TMEM132D: variants seen among roughly 807,000 people sequenced by gnomAD.
The protein encoded by TMEM132D is transmembrane protein 132D.
A neutral mutation model predicts 62.3 loss-of-function variants in TMEM132D; 21 were observed. The ratio of observed to expected loss-of-function variants is 0.34; its 90% CI spans 0.24 to 0.49. The LOEUF (loss-of-function observed/expected upper bound fraction) is 0.49, where lower values mean the gene tolerates loss of function less well. Ranked by LOEUF, TMEM132D falls within the 20% of genes least tolerant of loss-of-function variation. TMEM132D has a pLI of 0.99. For synonymous variants in TMEM132D, 621 were observed against 575.6 expected (o/e 1.08, Z -1.13); for missense variants, 1,346 against 1,402.8 (o/e 0.96, Z 0.65).
intron 2 of TMEM132D, among the ~76,000 whole-genome samples, chr12:129,638,339 C>T (rs544595358): frequency 5.3e-4 from 80 of 152,040 alleles, no homozygotes; most frequent in Admixed American, 5.2e-3. Flanking sequence ...TGTGACACAT[C>T]GGAGGGTAAG....
intron 7 of TMEM132D, among the ~76,000 whole-genome samples, 165 bp from the exon 8 acceptor site, chr12:129,078,890 A>G (rs1429973822): frequency 3.9e-5 from 6 of 152,204 alleles, no homozygotes; most frequent in Non-Finnish European, 8.8e-5. Flanking sequence ...AATCATATGT[A>G]TTGCTTGAGA....
rs1200686717 is a variant in TMEM132D at position 129,081,966 on chromosome 12, G to A, written c.1716C>T (p.Tyr572=). Residue 572 remains tyrosine (Y), a synonymous_variant, in exon 7 of 9, where the codon TAC becomes TAT. Transcript: ENST00000422113. ...ERRGRGCTLQ[Y]QHAMVRVLTQ... is the part of the protein sequence containing the mutation. Reference sequence around the variant, plus strand: ...TCAGGACCCGCACCATGGCGTGCTGGTACTGCAGGGTGCAGCCGCGGCCCC... The same window carrying A: ...TCAGGACCCGCACCATGGCGTGCTGATACTGCAGGGTGCAGCCGCGGCCCC... The A allele has an allele frequency of 1.2e-6, 2 of 1,614,022 alleles. No homozygotes were observed. The highest frequency in any genetic ancestry group is 2.2e-5 in the South Asian group (2 of 91,072).
At chr12:129,793,481 C>T (rs576873616) in intron 1 of TMEM132D, among the ~76,000 whole-genome samples, 1 of 152,252 alleles carries the variant, frequency 6.6e-6, no homozygotes, top group South Asian at 2.1e-4. Flanking sequence ...AAGCGATCCT[C>T]CCACCACCTC....
intron 2 of TMEM132D, among the ~76,000 whole-genome samples, chr12:129,531,779 C>T (rs1227711963): frequency 6.6e-6 from 1 of 152,192 alleles, no homozygotes; most frequent in Non-Finnish European, 1.5e-5. Context: ...CTACTGCGCC[C>T]AGCCCTGTTT....
chr12:129,727,912 A>C (rs1296225141), intron 1 of TMEM132D, among the ~76,000 whole-genome samples: 1 of 152,230 alleles, frequency 6.6e-6, no homozygotes, highest in Non-Finnish European at 1.5e-5. Flanking sequence ...CTAACCCTGC[A>C]TACGTTTATA....
intron 1 of TMEM132D, among the ~76,000 whole-genome samples, chr12:129,895,586 T>C (rs1281722275): frequency 3.3e-5 from 5 of 152,252 alleles, no homozygotes; most frequent in Non-Finnish European, 5.9e-5. Context: ...GAAAAGATTC[T>C]GCTATTTGAG....
chr12:129,524,589 A>G (rs983408096), intron 3 of TMEM132D, among the ~76,000 whole-genome samples: 1 of 152,226 alleles, frequency 6.6e-6, no homozygotes. Context: ...GGCTGCAATT[A>G]CAGCCCTGTA....
chr12:129,557,638 C>G (rs1426757178), intron 2 of TMEM132D, among the ~76,000 whole-genome samples: 1 of 152,144 alleles, frequency 6.6e-6, no homozygotes, highest in African/African-American at 2.4e-5. Flanking sequence ...ACTGCCTGAG[C>G]CTTGGAGATG....
intron 4 of TMEM132D, among the ~76,000 whole-genome samples, chr12:129,252,626 A>G (rs1880298822): frequency 6.6e-6 from 1 of 152,230 alleles, no homozygotes; most frequent in African/African-American, 2.4e-5. Flanking sequence ...TGTGGAAGTC[A>G]GTGTGGCGAT....
At chr12:129,331,992 C>T (rs1393840275) in intron 4 of TMEM132D, among the ~76,000 whole-genome samples, 5 of 152,132 alleles carry the variant, frequency 3.3e-5, no homozygotes, top group Non-Finnish European at 5.9e-5. Context: ...GGGTGGATTG[C>T]TTGAGGCCAG....
At chr12:129,649,202 A>G (rs2137181499) in intron 2 of TMEM132D, among the ~76,000 whole-genome samples, 1 of 152,336 alleles carries the variant, frequency 6.6e-6, no homozygotes, top group African/African-American at 2.4e-5. Flanking sequence ...ATTCAACAAT[A>G]GTTTGTTTAC....
At chr12:129,597,664 G>A (rs537098825) in intron 2 of TMEM132D, among the ~76,000 whole-genome samples, 2 of 152,318 alleles carry the variant, frequency 1.3e-5, no homozygotes, top group South Asian at 4.1e-4. Flanking sequence ...AAACAAAAAT[G>A]TATAGTCAGG....
chr12:129,644,332 C>T (rs1187765606), intron 2 of TMEM132D, among the ~76,000 whole-genome samples: 1 of 152,256 alleles, frequency 6.6e-6, no homozygotes, highest in East Asian at 1.9e-4. Context: ...CTTAGAGAAT[C>T]TTCGCTTCTT....
At chr12:129,813,234 G>T (rs1303787601) in intron 1 of TMEM132D, among the ~76,000 whole-genome samples, 1 of 151,646 alleles carries the variant, frequency 6.6e-6, no homozygotes, top group African/African-American at 2.4e-5. Context: ...CATCTTGTTG[G>T]TGGACGTTGC....
intron 5 of TMEM132D, among the ~76,000 whole-genome samples, chr12:129,181,032 C>T (rs578025867): frequency 6.6e-6 from 1 of 152,118 alleles, no homozygotes; most frequent in Admixed American, 6.5e-5. Flanking sequence ...GAGGATGCTG[C>T]CATTATCGGG....
intron 4 of TMEM132D, among the ~76,000 whole-genome samples, chr12:129,309,007 C>CCCTT (rs1368402264): frequency 1.3e-5 from 2 of 152,188 alleles, no homozygotes; most frequent in Non-Finnish European, 2.9e-5. Flanking sequence ...ACGCCAAACA[C>CCCTT]CCTTGGTCTT....
intron 3 of TMEM132D, among the ~76,000 whole-genome samples, chr12:129,339,154 C>T (rs1206101935): frequency 6.6e-6 from 1 of 151,924 alleles, no homozygotes; most frequent in African/African-American, 2.4e-5. Flanking sequence ...GCCTATAATC[C>T]CAGCTAGTTG....
chr12:129,225,334 G>A (rs1204517059), intron 4 of TMEM132D, among the ~76,000 whole-genome samples: 1 of 152,310 alleles, frequency 6.6e-6, no homozygotes, highest in South Asian at 2.1e-4. Flanking sequence ...TGGCCTGAGG[G>A]ATCTGAGTCC....
intron 5 of TMEM132D, among the ~76,000 whole-genome samples, chr12:129,163,255 A>G (rs1877449946): frequency 6.6e-6 from 1 of 152,262 alleles, no homozygotes; most frequent in Non-Finnish European, 1.5e-5. Flanking sequence ...TAACAATGCT[A>G]AAACAGCTGC....
Sources: allele counts gnomAD v4.1 joint callset (sites outside exome capture counted in the v4.1 genomes callset), GRCh38; gene constraint gnomAD v4.1.1; transcripts MANE v1.5; gene names NCBI Gene and HGNC (gene_info 2026-07-23, HGNC 2026-07-21).